STRN3: variants seen among roughly 807,000 people sequenced by gnomAD.
STRN3 encodes striatin-3.
STRN3 carries 29 observed loss-of-function variants against 95.6 expected under a neutral mutation model. That is an observed-to-expected ratio of 0.30 (90% confidence interval 0.23 to 0.41). STRN3 has a LOEUF of 0.41. Ranked by LOEUF, STRN3 falls within the 10% of genes least tolerant of loss-of-function variation. The probability of loss-of-function intolerance (pLI) is 1.00; values close to 1 mark genes in which losing one functional copy is unlikely to be tolerated. For synonymous variants in STRN3, 331 were observed against 357.6 expected (o/e 0.93, Z 0.84); for missense variants, 890 against 972.1 (o/e 0.92, Z 1.12).
intron 4 of STRN3, among the ~76,000 whole-genome samples, chr14:30,948,810 T>TACTGTCCTCTCATAATC (rs1325724430): frequency 6.6e-6 from 1 of 152,210 alleles, no homozygotes; most frequent in Non-Finnish European, 1.5e-5. Context: ...ATGAGAGGAA[T>TACTGTCCTCTCATAATC]ACTGTCCAAG....
At chr14:30,956,754 A>G (rs1594493095) in intron 1 of STRN3, among the ~76,000 whole-genome samples, 1 of 152,248 alleles carries the variant, frequency 6.6e-6, no homozygotes, top group African/African-American at 2.4e-5. Flanking sequence ...TTCCTAACAT[A>G]CAATTCACAA....
chr14:30,939,259 C>A (rs556560027), intron 5 of STRN3, among the ~76,000 whole-genome samples: 2 of 151,986 alleles, frequency 1.3e-5, no homozygotes, highest in Non-Finnish European at 2.9e-5. Flanking sequence ...AATAGATAGT[C>A]CAGAATAAAA....
At chr14:30,944,518 A>G (rs1212486202) in intron 5 of STRN3, among the ~76,000 whole-genome samples, 1 of 145,120 alleles carries the variant, frequency 6.9e-6, no homozygotes. Context: ...ATATATACAT[A>G]ATATATACAC....
intron 1 of STRN3, among the ~76,000 whole-genome samples, chr14:31,017,758 G>A (rs76104165): frequency 0.011 from 1,611 of 152,174 alleles, 35 homozygotes; most frequent in African/African-American, 0.036. Context: ...GGGGCAGTGA[G>A]TGTATACACA....
At chr14:30,970,711 A>C (rs1594517551) in intron 1 of STRN3, among the ~76,000 whole-genome samples, 1 of 152,238 alleles carries the variant, frequency 6.6e-6, no homozygotes, top group Non-Finnish European at 1.5e-5. Context: ...TCTAAGGACA[A>C]GGCCAAGATA....
At chr14:30,935,929 A>G (rs1878794221) in intron 6 of STRN3, among the ~76,000 whole-genome samples, 1 of 152,134 alleles carries the variant, frequency 6.6e-6, no homozygotes, top group African/African-American at 2.4e-5. Context: ...ACTTTTTTCT[A>G]TGGTTGAAAT....
intron 1 of STRN3, among the ~76,000 whole-genome samples, chr14:31,002,470 C>CAAA (rs59491889): frequency 1.2e-5 from 1 of 81,604 alleles, no homozygotes; most frequent in African/African-American, 4.8e-5. Context: ...GACTCTGTCT[C>CAAA]AAAAAAAAAA....
At chr14:30,917,879 A>G (rs192326065) in intron 9 of STRN3, among the ~76,000 whole-genome samples, 6 of 152,342 alleles carry the variant, frequency 3.9e-5, no homozygotes, top group African/African-American at 9.6e-5. Context: ...AGCAAAGGCA[A>G]TAACATCAAT....
chr14:31,007,886 T>G (rs188033330), intron 1 of STRN3, among the ~76,000 whole-genome samples: 17 of 152,252 alleles, frequency 1.1e-4, no homozygotes, highest in African/African-American at 3.9e-4. Context: ...GGTAAGACCC[T>G]GTCTCCGAAG....
At chr14:30,906,694 G>C (rs1896469735) in intron 14 of STRN3, among the ~76,000 whole-genome samples, 183 bp downstream of exon 14, 1 of 152,036 alleles carries the variant, frequency 6.6e-6, no homozygotes, top group Non-Finnish European at 1.5e-5. Context: ...AAAAAGCATT[G>C]CACTACAGGA....
rs76064914 is a variant in STRN3, at chr14:30,922,530, C to T, written c.1100-3424G>A. Among the ~76,000 whole-genome samples the T allele has an allele frequency of 2.1e-4, 32 of 152,288 alleles. No homozygotes were observed. The East Asian group carries it at 6.0e-3, about 28-fold the overall frequency. On this transcript the variant is annotated intron_variant, in intron 8 of 17. Transcript: ENST00000357479. ...ATGCCATGAAATTTATCTTCCTACG[C>T]CCTATATAACTGTAAGTAAAATAGT... is the stretch of plus-strand genomic sequence containing the variant.
chr14:30,977,794 G>GAAAAAA (rs869303485), intron 1 of STRN3, among the ~76,000 whole-genome samples: 1 of 109,918 alleles, frequency 9.1e-6, no homozygotes, highest in African/African-American at 3.8e-5. Flanking sequence ...ACTCTATCTC[G>GAAAAAA]AAAAAAAAAA....
chr14:30,985,307 A>ACG, intron 1 of STRN3, among the ~76,000 whole-genome samples: 1 of 33,178 alleles, frequency 3.0e-5, no homozygotes, highest in East Asian at 4.0e-4. Context: ...AAACTCCGCC[A>ACG]AAAAAAAAAA....
intron 1 of STRN3, among the ~76,000 whole-genome samples, chr14:30,971,463 G>A (rs942232535): frequency 6.6e-5 from 10 of 152,190 alleles, no homozygotes; most frequent in African/African-American, 2.2e-4. Flanking sequence ...TGACAAAAAT[G>A]TAGATTGGAT....
chr14:30,895,504 T>C lies in STRN3; in HGVS notation c.2301A>G (p.Lys767=), dbSNP rs777972785. The part of the protein sequence containing the change: ...CVQEITAHRK[K]LDESIYDVAF... ...CAACATCATAAATTGATTCATCCAA[T>C]TTCTTTCTGTGAGCTGTTATTTCTT... The change falls in exon 18 of 18, where the codon AAA becomes AAG. Residue 767 remains lysine, a synonymous_variant. Coordinates refer to ENST00000357479, the MANE Select transcript of STRN3 (RefSeq NM_001083893.2). 1 of 1,614,178 alleles carries C rather than the reference T, an allele frequency of 6.2e-7. No homozygotes were observed. The highest frequency in any genetic ancestry group is 8.5e-7 in the Non-Finnish European group (1 of 1,180,028).
intron 9 of STRN3, among the ~76,000 whole-genome samples, chr14:30,916,142 T>C (rs1422245891): frequency 6.6e-6 from 1 of 152,164 alleles, no homozygotes; most frequent in East Asian, 1.9e-4. Context: ...CAGCTACTCA[T>C]CTGTTTGCCC....
intron 1 of STRN3, among the ~76,000 whole-genome samples, chr14:30,984,256 T>G: frequency 2.6e-5 from 2 of 76,508 alleles, no homozygotes; most frequent in Non-Finnish European, 4.7e-5. Flanking sequence ...AAGAAAAGGA[T>G]GAGGAATTCT....
rs147925641 is a variant in STRN3, at chr14:30,901,304, T to G, written c.2137+1232A>C. Among the ~76,000 whole-genome samples the G allele has an allele frequency of 3.4e-3, 511 of 152,110 alleles. 2 individuals carry two copies. Among genetic ancestry groups the G allele is most frequent in the Non-Finnish European group, 5.7e-3 (390 of 67,986 alleles). On this transcript the variant is annotated intron_variant, in intron 16 of 17. Coordinates refer to ENST00000357479, the MANE Select transcript of STRN3 (RefSeq NM_001083893.2). ...AAAAAAAAAAAAAATTTAAATATTT[T>G]TTTTAAAAAGAACATCCACTTGAAT... is the stretch of plus-strand genomic sequence containing the variant.
rs1328034299 is a variant in STRN3 at position 30,897,584 on chromosome 14, CA to C, written c.2138-1837del. 4.6e-5 allele frequency among the ~76,000 whole-genome samples: 7 copies of C among 152,036 alleles called. No individual in the cohort carries two copies. The East Asian group carries it at 1.2e-3, about 25-fold the overall frequency. On this transcript the variant is annotated intron_variant, in intron 16 of 17. Transcript: ENST00000357479. ...TGGGTGACAGAGTGAGACTCCGTCT[CA>C]AAAAAGAAGAAAAGTCCTATCACTT...
Sources: allele counts gnomAD v4.1 joint callset (sites outside exome capture counted in the v4.1 genomes callset), GRCh38; gene constraint gnomAD v4.1.1; transcripts MANE v1.5; gene names NCBI Gene and HGNC (gene_info 2026-07-23, HGNC 2026-07-21).